The following ITPRID1 variants were observed in gnomAD, a reference collection of about 807,000 sequenced individuals.
ITPRID1 encodes the protein ITPR interacting domain containing 1, also known as protein ITPRID1.
ITPRID1 carries 96 observed loss-of-function variants against 95.4 expected under a neutral mutation model. The ratio of observed to expected loss-of-function variants is 1.01; its 90% CI spans 0.85 to 1.19. The LOEUF (loss-of-function observed/expected upper bound fraction) is 1.19. Ranked by LOEUF, ITPRID1 falls within the 50% of genes most tolerant of loss-of-function variation. The pLI is 0.00. For missense variants in ITPRID1, 1,339 were observed against 1,252.9 expected, an observed-to-expected ratio of 1.07 and a Z score of -1.04; for synonymous variants, 510 against 453.6, an observed-to-expected ratio of 1.12 and a Z score of -1.58.
chr7:31,642,324 G>T, intron 11 of ITPRID1, 66 bp downstream of exon 11: 1 of 1,093,550 alleles, frequency 9.1e-7, no homozygotes, highest in East Asian at 2.6e-5. Flanking sequence ...CTATCAACCA[G>T]GCTGCCACCC....
At chr7:31,527,410 C>G (rs1055480460) in intron 1 of ITPRID1, among the ~76,000 whole-genome samples, 4 of 152,136 alleles carry the variant, frequency 2.6e-5, no homozygotes, top group Non-Finnish European at 5.9e-5. Flanking sequence ...CTGGGTCTCA[C>G]TTTCCTCACT....
In ITPRID1 at chr7:31,578,315, T is replaced by C; in HGVS notation, c.1051T>C (p.Cys351Arg). The C allele has an allele frequency of 6.2e-7, 1 of 1,613,908 alleles. No homozygotes were observed. Among genetic ancestry groups the C allele is most frequent in the South Asian group, 1.1e-5 (1 of 91,078 alleles). The change falls in exon 9 of 15, where the codon TGT becomes CGT. Residue 351 changes from cysteine to arginine, a missense_variant. By Grantham distance (180) the Cys-to-Arg change is radical. Transcript: ENST00000615280. Reference sequence around the variant, plus strand: ...GCCGGCCAAGCAGGCTCCTCCTTCCTGTGTGTCTGAGGGGTCAGTCAAGGG... The same window carrying C: ...GCCGGCCAAGCAGGCTCCTCCTTCCCGTGTGTCTGAGGGGTCAGTCAAGGG... ...SMPAKQAPPS[C>R]VSEGSVKGRT...
At chr7:31,562,044 TAAAAAAAAAAAAAA>T (rs33912394) in intron 5 of ITPRID1, among the ~76,000 whole-genome samples, 18 of 52,514 alleles carry the variant, frequency 3.4e-4, no homozygotes, top group Non-Finnish European at 5.7e-4. Context: ...GCTATGTATT[TAAAAAAAAAAAAAA>T]AAAAAAAAAA....
chr7:31,620,442 C>A (rs570298455), intron 10 of ITPRID1, among the ~76,000 whole-genome samples: 3 of 151,780 alleles, frequency 2.0e-5, no homozygotes, highest in East Asian at 1.9e-4. Context: ...CAGCAGCATT[C>A]GAGATTCACG....
At chr7:31,585,929 G>A (rs1288674851) in intron 10 of ITPRID1, among the ~76,000 whole-genome samples, 6 of 148,884 alleles carry the variant, frequency 4.0e-5, no homozygotes, top group Non-Finnish European at 7.4e-5. Context: ...ATGCTGGTGC[G>A]CTGCACCCAC....
At chr7:31,557,305 G>A (rs896329342) in intron 5 of ITPRID1, among the ~76,000 whole-genome samples, 1 of 152,054 alleles carries the variant, frequency 6.6e-6, no homozygotes, top group Non-Finnish European at 1.5e-5. Context: ...AGATCTAAGT[G>A]TCTTCATCTT....
In ITPRID1 at chr7:31,652,047, A is replaced by G. The variant is rs972041707; in HGVS notation, c.2820A>G (p.Leu940=). 6.3e-7 allele frequency: 1 copy of G among 1,591,560 alleles called. No homozygotes were observed. The highest frequency in any genetic ancestry group is 8.6e-7 in the Non-Finnish European group (1 of 1,167,768). Residue 940 remains leucine, a synonymous_variant, in exon 14 of 15, where the codon TTA becomes TTG. Transcript: ENST00000615280. ...CTCAGCAAATCAGAGAAGGGATTTT[A>G]CTGGTATGGGTGATGGGGTGTGGAG... is the stretch of plus-strand genomic sequence containing the variant. ...DRAQQIREGI[L]LQLEVLTAEP...
At chr7:31,604,917 C>T (rs1273468106) in intron 10 of ITPRID1, among the ~76,000 whole-genome samples, 2 of 152,094 alleles carry the variant, frequency 1.3e-5, no homozygotes, top group Non-Finnish European at 1.5e-5. Context: ...AGGAGGATCA[C>T]CTGAGGTCAG....
At chr7:31,541,897 C>T (rs1030885611) in intron 1 of ITPRID1, among the ~76,000 whole-genome samples, 62 of 152,120 alleles carry the variant, frequency 4.1e-4, no homozygotes, top group African/African-American at 1.4e-3. Flanking sequence ...TATTTTAATG[C>T]TCAATTTCCA....
At chr7:31,637,199 G>T (rs1468468548) in intron 10 of ITPRID1, among the ~76,000 whole-genome samples, 1 of 152,002 alleles carries the variant, frequency 6.6e-6, no homozygotes, top group African/African-American at 2.4e-5. Flanking sequence ...ATAAACATAC[G>T]TGTGCATGTG....
At chr7:31,550,383 G>T (rs992431524) in intron 2 of ITPRID1, among the ~76,000 whole-genome samples, 2 of 152,076 alleles carry the variant, frequency 1.3e-5, no homozygotes, top group African/African-American at 2.4e-5. Flanking sequence ...TCCTCTTGGG[G>T]ACAAGTCAAA....
At chr7:31,555,234 A>C (rs776059408) in intron 5 of ITPRID1, 14 of 184,230 alleles carry the variant, frequency 7.6e-5, no homozygotes, top group Non-Finnish European at 1.3e-4. Context: ...CCTGTATTAT[A>C]CTTTTATTTC....
chr7:31,519,578 A>ATCTCTCTCTCTCTCTCTCTCTCTC (rs72374972), intron 1 of ITPRID1, among the ~76,000 whole-genome samples: 1 of 37,446 alleles, frequency 2.7e-5, no homozygotes, highest in Admixed American at 4.3e-4. Flanking sequence ...TATTTCTGGT[A>ATCTCTCTCTCTCTCTCTCTCTCTC]TCTCTCTCTC....
chr7:31,537,081 AG>A, intron 1 of ITPRID1, among the ~76,000 whole-genome samples: 1 of 80,826 alleles, frequency 1.2e-5, no homozygotes, highest in Non-Finnish European at 2.8e-5. Flanking sequence ...TTGTATGCCT[AG>A]AAGGTGTGTG....
At chr7:31,583,612 G>C (rs1785486188) in intron 10 of ITPRID1, among the ~76,000 whole-genome samples, 1 of 152,090 alleles carries the variant, frequency 6.6e-6, no homozygotes, top group African/African-American at 2.4e-5. Context: ...CGGGCAACAA[G>C]AGAAAAACTC....
At chr7:31,629,724 T>C (rs1788822611) in intron 10 of ITPRID1, among the ~76,000 whole-genome samples, 1 of 152,170 alleles carries the variant, frequency 6.6e-6, no homozygotes, top group African/African-American at 2.4e-5. Context: ...AGGTGCATAG[T>C]TGTATTTTAA....
chr7:31,556,351 C>A (rs1480239430), intron 5 of ITPRID1, among the ~76,000 whole-genome samples: 1 of 152,052 alleles, frequency 6.6e-6, no homozygotes, highest in Non-Finnish European at 1.5e-5. Flanking sequence ...TGTACAAGGC[C>A]CTTTCTCATC....
intron 1 of ITPRID1, among the ~76,000 whole-genome samples, chr7:31,521,721 T>C: frequency 1.2e-5 from 1 of 82,606 alleles, no homozygotes; most frequent in Non-Finnish European, 2.3e-5. Flanking sequence ...CTTCCTTCCT[T>C]CCTTCTTTCT....
intron 1 of ITPRID1, among the ~76,000 whole-genome samples, chr7:31,532,115 A>G (rs1783617738): frequency 6.6e-6 from 1 of 151,934 alleles, no homozygotes; most frequent in African/African-American, 2.4e-5. Context: ...TTCCATTTTG[A>G]GATAATATAT....
Sources: allele counts gnomAD v4.1 joint callset (sites outside exome capture counted in the v4.1 genomes callset), GRCh38; gene constraint gnomAD v4.1.1; transcripts MANE v1.5; gene names NCBI Gene and HGNC (gene_info 2026-07-23, HGNC 2026-07-21).